ZNRF3: variants seen among roughly 807,000 people sequenced by gnomAD.
The protein encoded by ZNRF3 is zinc and ring finger 3.
Under a neutral mutation model 72.5 loss-of-function variants are expected in ZNRF3, and 23 were observed. The observed-to-expected ratio is 0.32, with a 90% CI of 0.23 to 0.45. The LOEUF (loss-of-function observed/expected upper bound fraction) is 0.45, where lower values mean the gene tolerates loss of function less well. ZNRF3 is among the 20% of genes least tolerant of loss of function. The pLI, the probability that ZNRF3 is intolerant of heterozygous loss-of-function variation, is 1.00. For synonymous variants in ZNRF3, 610 were observed against 545.3 expected, an observed-to-expected ratio of 1.12 and a Z score of -1.65; for missense variants, 1,169 against 1,272.1, an observed-to-expected ratio of 0.92 and a Z score of 1.23.
chr22:29,000,025 T>G (rs989654138), intron 2 of ZNRF3, among the ~76,000 whole-genome samples: 4 of 152,232 alleles, frequency 2.6e-5, no homozygotes, highest in Non-Finnish European at 2.9e-5. Context: ...ACCATTCTGC[T>G]TTTGTGATGT....
At chr22:28,884,607 G>T (rs2033738668) in intron 1 of ZNRF3, among the ~76,000 whole-genome samples, 1 of 152,222 alleles carries the variant, frequency 6.6e-6, no homozygotes, top group Non-Finnish European at 1.5e-5. Flanking sequence ...AGCAGCAGCA[G>T]GCAGGGGAGG....
intron 1 of ZNRF3, among the ~76,000 whole-genome samples, chr22:28,884,305 G>A (rs1211612420): frequency 1.3e-5 from 2 of 152,102 alleles, no homozygotes; most frequent in Non-Finnish European, 2.9e-5. Flanking sequence ...GGGCGGGAGG[G>A]GCATCCTGGG....
At chr22:28,921,169 C>T (rs1164248755) in intron 1 of ZNRF3, among the ~76,000 whole-genome samples, 1 of 152,158 alleles carries the variant, frequency 6.6e-6, no homozygotes. Context: ...GCACATGGTT[C>T]CCTCCGGTTC....
chr22:28,954,675 C>T (rs1365454960), intron 1 of ZNRF3, among the ~76,000 whole-genome samples: 6 of 152,108 alleles, frequency 3.9e-5, no homozygotes, highest in Admixed American at 3.3e-4. Context: ...GTTGACCAGG[C>T]TGGAGTGCAG....
chr22:29,007,429 G>T (rs1480324397), intron 2 of ZNRF3, among the ~76,000 whole-genome samples: 1 of 152,144 alleles, frequency 6.6e-6, no homozygotes, highest in Non-Finnish European at 1.5e-5. Context: ...TTAAGGCCAG[G>T]AGTTCAAGAC....
At chr22:29,051,536 A>T (rs2037206457) in intron 8 of ZNRF3, among the ~76,000 whole-genome samples, 1 of 150,874 alleles carries the variant, frequency 6.6e-6, no homozygotes, top group African/African-American at 2.4e-5. Flanking sequence ...CCTGGTTGGC[A>T]GAGGTTGCAG....
At chr22:28,983,112 G>C (rs2035796448) in intron 1 of ZNRF3, among the ~76,000 whole-genome samples, 1 of 152,128 alleles carries the variant, frequency 6.6e-6, no homozygotes, top group Non-Finnish European at 1.5e-5. Flanking sequence ...TGGCACTTTA[G>C]AAAAATTCCT....
At chr22:28,884,568 C>G (rs1358661165) in intron 1 of ZNRF3, among the ~76,000 whole-genome samples, 3 of 152,192 alleles carry the variant, frequency 2.0e-5, no homozygotes, top group Non-Finnish European at 2.9e-5. Context: ...CACCTGGGCG[C>G]CGGTGACCCT....
chr22:29,038,641 T>A (rs1265193520), intron 2 of ZNRF3, among the ~76,000 whole-genome samples: 4 of 152,176 alleles, frequency 2.6e-5, no homozygotes, highest in Non-Finnish European at 5.9e-5. Context: ...TGTATTTTTT[T>A]AATTTCCTTT....
intron 1 of ZNRF3, among the ~76,000 whole-genome samples, chr22:28,892,795 G>A (rs908094121): frequency 1.3e-5 from 2 of 152,138 alleles, no homozygotes; most frequent in African/African-American, 4.8e-5. Context: ...TGAAAACGAA[G>A]TTTGATCCTA....
At chr22:28,984,874 CCATTGG>C (rs1320073579) in intron 1 of ZNRF3, among the ~76,000 whole-genome samples, 2 of 152,230 alleles carry the variant, frequency 1.3e-5, no homozygotes, top group African/African-American at 4.8e-5. Flanking sequence ...CGCAGAACCT[CCATTGG>C]CCCTTCAGGC....
At chr22:29,043,117 G>T (rs1269649693) in intron 3 of ZNRF3, among the ~76,000 whole-genome samples, 182 bp from the exon 4 acceptor site, 1 of 152,186 alleles carries the variant, frequency 6.6e-6, no homozygotes, top group East Asian at 1.9e-4. Flanking sequence ...TGCTTGCCCA[G>T]TCCATCCCAA....
At chr22:28,884,193 G>T (rs2033722713) in intron 1 of ZNRF3, 127 bp downstream of exon 1, 2 of 735,264 alleles carry the variant, frequency 2.7e-6, no homozygotes. Flanking sequence ...AGAGGCCGGC[G>T]GCATCCCTCC....
chr22:28,939,715 T>C (rs1173918875), intron 1 of ZNRF3, among the ~76,000 whole-genome samples: 2 of 152,182 alleles, frequency 1.3e-5, no homozygotes, highest in Non-Finnish European at 2.9e-5. Context: ...TCCCCTGCAA[T>C]TTAATGGAAG....
chr22:28,994,424 G>A (rs1270668872), intron 2 of ZNRF3, among the ~76,000 whole-genome samples: 1 of 151,404 alleles, frequency 6.6e-6, no homozygotes, highest in Non-Finnish European at 1.5e-5. Flanking sequence ...CTCAAACTCA[G>A]GTGATCCACC....
In ZNRF3 at chr22:29,053,652, G is replaced by C; in HGVS notation, c.*30G>C. 6.2e-7 allele frequency: 1 copy of C among 1,606,898 alleles called. No individual in the cohort carries two copies. Among genetic ancestry groups the C allele is most frequent in the East Asian group, 2.2e-5 (1 of 44,714 alleles). ...AGGAGGAACTCTTACCTGGAAATTG[G>C]GAACTGTATGGAGACTCCAAACTGA... On this transcript the variant is annotated 3_prime_UTR_variant, in exon 9 of 9. Coordinates refer to ENST00000544604, the MANE Select transcript of ZNRF3 (RefSeq NM_001206998.2).
At position 28,948,162 on chromosome 22, in the gene ZNRF3, T is replaced by TA. The variant is rs202085013; in HGVS notation, c.301-38905dup. 4.2e-3 allele frequency among the ~76,000 whole-genome samples: 630 copies of TA among 150,666 alleles called. 8 individuals carry two copies. The highest frequency in any genetic ancestry group is 0.014 in the African/African-American group (586 of 41,022). ...CTGGCTACAAATAACGTTTTTTATT[T>TA]AAAAAAAAATTTTTTTAAAAAAGAT... On this transcript the variant is annotated intron_variant, in intron 1 of 8. Transcript: ENST00000544604.
chr22:28,922,615 A>G lies in ZNRF3; in HGVS notation c.300+38549A>G, dbSNP rs1053787733. On this transcript the variant is annotated intron_variant, in intron 1 of 8. Coordinates refer to ENST00000544604, the MANE Select transcript of ZNRF3 (RefSeq NM_001206998.2). ...CTGGAATTTTAGGTTTGACCTCCCA[A>G]AGGTGGATCCACCTGTATGGGAAAG... 3.3e-5 allele frequency among the ~76,000 whole-genome samples: 5 copies of G among 152,138 alleles called. No homozygotes were observed. In the South Asian group the frequency reaches 6.2e-4, roughly 19 times the overall value.
At chr22:28,997,081 G>A (rs1370699334) in intron 2 of ZNRF3, among the ~76,000 whole-genome samples, 3 of 152,120 alleles carry the variant, frequency 2.0e-5, no homozygotes, top group African/African-American at 4.8e-5. Flanking sequence ...GGAATCCTTG[G>A]GTCTGATTTG....
Sources: allele counts gnomAD v4.1 joint callset (sites outside exome capture counted in the v4.1 genomes callset), GRCh38; gene constraint gnomAD v4.1.1; transcripts MANE v1.5; gene names NCBI Gene and HGNC (gene_info 2026-07-23, HGNC 2026-07-21).